Variants in TPST1 observed in about 807,000 individuals in gnomAD.
The protein encoded by TPST1 is protein-tyrosine sulfotransferase 1.
In TPST1, 20 loss-of-function variants were observed where a neutral mutation model predicts 34.8. The observed-to-expected ratio is 0.57, with a 90% CI of 0.40 to 0.84. The LOEUF (loss-of-function observed/expected upper bound fraction) is 0.84. Ranked by LOEUF, TPST1 falls within the 40% of genes least tolerant of loss-of-function variation. TPST1 has a pLI of 0.00. For synonymous variants in TPST1, 152 were observed against 159.4 expected (o/e 0.95, Z 0.35); for missense variants, 353 against 455.5 (o/e 0.78, Z 2.05).
At chr7:66,345,299 C>G (rs1158064736) in intron 3 of TPST1, among the ~76,000 whole-genome samples, 1 of 151,032 alleles carries the variant, frequency 6.6e-6, no homozygotes, top group Non-Finnish European at 1.5e-5. Flanking sequence ...GAGTTCAAGA[C>G]CAGCCTGGCC....
intron 3 of TPST1, among the ~76,000 whole-genome samples, chr7:66,320,162 C>A (rs1791720834): frequency 6.6e-6 from 1 of 151,998 alleles, no homozygotes; most frequent in South Asian, 2.1e-4. Flanking sequence ...TGTGCAACTA[C>A]AGCTATGTTC....
chr7:66,204,090 T>A (rs2116169839), upstream of TPST1, among the ~76,000 whole-genome samples: 1 of 151,486 alleles, frequency 6.6e-6, no homozygotes, highest in Admixed American at 6.6e-5. Flanking sequence ...GGCATGAGAA[T>A]CACTTGAGCC....
chr7:66,287,605 GTGA>G (rs1791070884), intron 3 of TPST1, among the ~76,000 whole-genome samples: 1 of 126,442 alleles, frequency 7.9e-6, no homozygotes, highest in African/African-American at 3.2e-5. Context: ...CTGATGGCCA[GTGA>G]TGATGAGCAT....
At chr7:66,348,005 T>G (rs911038794) in intron 3 of TPST1, among the ~76,000 whole-genome samples, 1 of 152,178 alleles carries the variant, frequency 6.6e-6, no homozygotes, top group Non-Finnish European at 1.5e-5. Context: ...AATGAAATAT[T>G]TAAAGTATTG....
chr7:66,279,521 A>G (rs1790890600), intron 2 of TPST1, among the ~76,000 whole-genome samples: 1 of 152,204 alleles, frequency 6.6e-6, no homozygotes, highest in Admixed American at 6.5e-5. Context: ...ACAGTGGCTA[A>G]ACTAATTTAC....
intron 3 of TPST1, among the ~76,000 whole-genome samples, chr7:66,294,287 A>G (rs375322290): frequency 6.6e-6 from 1 of 152,170 alleles, no homozygotes; most frequent in African/African-American, 2.4e-5. Flanking sequence ...CTGATAGGCT[A>G]TTTGATTCCA....
chr7:66,216,756 T>C (rs1242865655), intron 1 of TPST1, among the ~76,000 whole-genome samples: 1 of 152,190 alleles, frequency 6.6e-6, no homozygotes, highest in Admixed American at 6.5e-5. Flanking sequence ...GCGTAAGCCA[T>C]TGCACCCAGC....
intron 4 of TPST1, among the ~76,000 whole-genome samples, chr7:66,355,244 C>T (rs567017191): frequency 1.3e-5 from 2 of 151,680 alleles, no homozygotes; most frequent in East Asian, 1.9e-4. Context: ...GAGGCCAAGG[C>T]GGCTGGATCA....
At chr7:66,254,002 CAAAAAAAAAA>C (rs60795420) in intron 2 of TPST1, among the ~76,000 whole-genome samples, 5 of 113,578 alleles carry the variant, frequency 4.4e-5, no homozygotes, top group African/African-American at 1.3e-4. Context: ...GACTCTGTTT[CAAAAAAAAAA>C]AAAAAAAAGA....
At chr7:66,236,415 T>TAC (rs1180428553) in intron 1 of TPST1, among the ~76,000 whole-genome samples, 2 of 152,006 alleles carry the variant, frequency 1.3e-5, no homozygotes, top group Non-Finnish European at 2.9e-5. Context: ...TATATGTATA[T>TAC]ACACACACAC....
At position 66,328,886 on chromosome 7, in the gene TPST1, CTA is replaced by C. The variant is rs1554354127; in HGVS notation, c.1045-23599_1045-23598del. ...TCTCTCTCTCTCTCTCTCTCTCTCT[CTA>C]TATATATATATATATATATTTTTTT... On this transcript the variant is annotated intron_variant, in intron 3 of 5. Transcript: ENST00000304842. Among the ~76,000 whole-genome samples the C allele has an allele frequency of 1.4e-3, 32 of 22,086 alleles. 1 individual carries two copies. The highest frequency in any genetic ancestry group is 6.7e-3 in the African/African-American group (28 of 4,210). 14.5% of individuals were successfully genotyped at this position (22,086 alleles called of 152,430 possible). A position where few individuals can be genotyped will look rare whatever the true frequency, so the allele number is the denominator to read the frequency against.
intron 1 of TPST1, among the ~76,000 whole-genome samples, chr7:66,207,560 CT>C (rs921635600): frequency 6.6e-6 from 1 of 152,134 alleles, no homozygotes; most frequent in African/African-American, 2.4e-5. Flanking sequence ...CTTCCCTTTT[CT>C]TTTTTTATTC....
chr7:66,239,913 G>C (rs2116400573), intron 1 of TPST1, among the ~76,000 whole-genome samples: 1 of 152,032 alleles, frequency 6.6e-6, no homozygotes, highest in African/African-American at 2.4e-5. Flanking sequence ...ACAGAGTCTT[G>C]CTTTGTTGCC....
At chr7:66,218,616 C>A (rs778608498) in intron 1 of TPST1, among the ~76,000 whole-genome samples, 11 of 152,056 alleles carry the variant, frequency 7.2e-5, no homozygotes, top group Non-Finnish European at 1.3e-4. Flanking sequence ...GAGGCTGAGG[C>A]GGGGAGATCA....
rs1427062317 is a variant in TPST1, at chr7:66,296,253, CCCCCT to C, written c.1044+9549_1044+9553del. 2.2e-4 allele frequency among the ~76,000 whole-genome samples: 8 copies of C among 36,494 alleles called. No individual in the cohort carries two copies. In the East Asian group the frequency reaches 3.6e-3, roughly 16 times the overall value. The allele number at this position is 36,494 out of a possible 152,430, so 23.9% of individuals were successfully genotyped here. On this transcript the variant is annotated intron_variant, in intron 3 of 5. Transcript: ENST00000304842. The stretch of plus-strand genomic sequence containing the variant: ...ATTAAAAAACACCCACCCTTCCCCC[CCCCCT>C]CCCCCACCGTCTCTGCCTATCTTTA...
At chr7:66,260,982 G>T (rs1180663410) in intron 2 of TPST1, among the ~76,000 whole-genome samples, 5 of 152,126 alleles carry the variant, frequency 3.3e-5, no homozygotes, top group Admixed American at 6.5e-5. Context: ...AATTCTCTCT[G>T]TATACAGCTC....
At chr7:66,337,787 T>C (rs1258792061) in intron 3 of TPST1, among the ~76,000 whole-genome samples, 1 of 152,176 alleles carries the variant, frequency 6.6e-6, no homozygotes, top group Non-Finnish European at 1.5e-5. Flanking sequence ...AAATAACCTA[T>C]TATAAGATTT....
intron 1 of TPST1, among the ~76,000 whole-genome samples, chr7:66,232,296 AG>A (rs1789814896): frequency 7.0e-6 from 1 of 143,060 alleles, no homozygotes; most frequent in Admixed American, 7.4e-5. Context: ...TCAACCTCCC[AG>A]GCTCAAGTAA....
rs561521590 is a variant in TPST1 at position 66,284,135 on chromosome 7, G to C, written c.846-2376G>C. Among the ~76,000 whole-genome samples, 5 of 152,206 alleles carry C rather than the reference G, an allele frequency of 3.3e-5. No individual in the cohort carries two copies. The South Asian group carries it at 1.0e-3, about 32-fold the overall frequency. ...GGTTATACAGCAAAGCCTTTGCAAA[G>C]TCTTTTATTTTAGAGCTCTTTTTCA... is the stretch of plus-strand genomic sequence containing the variant. On this transcript the variant is annotated intron_variant, in intron 2 of 5. Transcript: ENST00000304842.
Sources: allele counts gnomAD v4.1 joint callset (sites outside exome capture counted in the v4.1 genomes callset), GRCh38; gene constraint gnomAD v4.1.1; transcripts MANE v1.5; gene names NCBI Gene and HGNC (gene_info 2026-07-23, HGNC 2026-07-21).